Variants in SLC24A4 observed in about 807,000 individuals in gnomAD.
SLC24A4 encodes solute carrier family 24 member 4.
SLC24A4 carries 53 observed loss-of-function variants against 79.0 expected under a neutral mutation model. The observed-to-expected ratio is 0.67, with a 90% CI of 0.54 to 0.84. SLC24A4 has a LOEUF of 0.84. Ranked by LOEUF, SLC24A4 falls within the 40% of genes least tolerant of loss-of-function variation. The probability of loss-of-function intolerance (pLI) is 0.00; values close to 1 mark genes in which losing one functional copy is unlikely to be tolerated. For synonymous variants in SLC24A4, 323 were observed against 323.8 expected, an observed-to-expected ratio of 1.00 and a Z score of 0.03; for missense variants, 731 against 822.0, an observed-to-expected ratio of 0.89 and a Z score of 1.35.
In SLC24A4 at chr14:92,459,993, C is replaced by T. The variant is rs78863972; in HGVS notation, c.1255+3385C>T. ...CAGCTAGCGTTTTCCAAAGCTGGGG[C>T]GCTGGAAGGAATCACAGGACCAGGG... On this transcript the variant is annotated intron_variant, in intron 12 of 16. Transcript: ENST00000532405. 1.4e-3 allele frequency among the ~76,000 whole-genome samples: 213 copies of T among 152,124 alleles called. 4 individuals are homozygous for T. In the East Asian group the frequency reaches 0.037, roughly 27 times the overall value.
At chr14:92,465,565 C>T (rs1430653355) in intron 12 of SLC24A4, among the ~76,000 whole-genome samples, 2 of 152,090 alleles carry the variant, frequency 1.3e-5, no homozygotes, top group East Asian at 1.9e-4. Flanking sequence ...CGGCACCAGC[C>T]GAGGGAGCTC....
At chr14:92,445,078 T>G (rs1043126393) in intron 7 of SLC24A4, among the ~76,000 whole-genome samples, 2 of 152,128 alleles carry the variant, frequency 1.3e-5, no homozygotes, top group African/African-American at 2.4e-5. Context: ...TGGACTGTTA[T>G]AAAGCACAGG....
chr14:92,383,556 A>G (rs1436328770), intron 2 of SLC24A4, among the ~76,000 whole-genome samples: 2 of 152,116 alleles, frequency 1.3e-5, no homozygotes, highest in East Asian at 1.9e-4. Context: ...TGACCACTGC[A>G]CTTAAATCCC....
intron 15 of SLC24A4, 51 bp downstream of exon 15, chr14:92,491,828 T>C (rs746076534): frequency 6.9e-7 from 1 of 1,443,884 alleles, no homozygotes. Context: ...AGGCTAGTGG[T>C]GTTGGCCCAG....
intron 9 of SLC24A4, 132 bp from the exon 10 acceptor site, chr14:92,448,942 C>G (rs1017960217): frequency 1.8e-6 from 2 of 1,089,252 alleles, no homozygotes; most frequent in Non-Finnish European, 2.6e-6. Flanking sequence ...AGCTGAGGCT[C>G]CACACCTCCC....
intron 2 of SLC24A4, among the ~76,000 whole-genome samples, chr14:92,390,279 C>T (rs1053378065): frequency 4.6e-5 from 7 of 152,012 alleles, no homozygotes; most frequent in Non-Finnish European, 1.0e-4. Flanking sequence ...ATGAGGCATA[C>T]CCACGCCATC....
At chr14:92,461,096 A>T (rs571744873) in intron 12 of SLC24A4, among the ~76,000 whole-genome samples, 1 of 152,318 alleles carries the variant, frequency 6.6e-6, no homozygotes, top group South Asian at 2.1e-4. Context: ...GCCGCAGCCC[A>T]GCTGGGAAAG....
In SLC24A4 at chr14:92,493,885, C is replaced by CCTG; in HGVS notation, c.*257_*258insCTG. The CCTG allele has an allele frequency of 2.0e-6, 1 of 506,342 alleles. No individual in the cohort carries two copies. The highest frequency in any genetic ancestry group is 3.5e-6 in the Non-Finnish European group (1 of 282,590). The allele number at this position is 506,342 out of a possible 1,614,324, so 31.4% of individuals were successfully genotyped here. ...CTGAGCAGCTTCAAAGACCCCTGAG[C>CCTG]TGCCAACCACGGAGATGTGCCAAGC... On this transcript the variant is annotated 3_prime_UTR_variant, in exon 17 of 17. Coordinates refer to ENST00000532405, the MANE Select transcript of SLC24A4 (RefSeq NM_153646.4).
intron 2 of SLC24A4, among the ~76,000 whole-genome samples, chr14:92,380,072 GCCTGCTGC>G (rs1329733104): frequency 4.6e-5 from 7 of 152,218 alleles, no homozygotes. Flanking sequence ...GCGTGCCTGT[GCCTGCTGC>G]ACCTGGCATA....
chr14:92,404,458 C>G (rs1206339048), intron 2 of SLC24A4, among the ~76,000 whole-genome samples: 1 of 152,226 alleles, frequency 6.6e-6, no homozygotes, highest in Admixed American at 6.5e-5. Flanking sequence ...CCTGAGCCCC[C>G]AGTCCCCATC....
intron 2 of SLC24A4, among the ~76,000 whole-genome samples, chr14:92,407,857 TTGTGTGTGTGTGTGTG>T (rs60398538): frequency 0.092 from 13,231 of 143,658 alleles, 583 homozygotes; most frequent in South Asian, 0.11. Context: ...CAGAGTGATA[TTGTGTGTGTGTGTGTG>T]TGTGTGTGTG....
intron 2 of SLC24A4, among the ~76,000 whole-genome samples, chr14:92,364,344 C>A (rs985170564): frequency 6.6e-6 from 1 of 151,956 alleles, no homozygotes; most frequent in Non-Finnish European, 1.5e-5. Context: ...CTCCTGGGGG[C>A]AGAGCAGGGT....
At chr14:92,346,497 A>C (rs1886536679) in intron 2 of SLC24A4, among the ~76,000 whole-genome samples, 1 of 152,190 alleles carries the variant, frequency 6.6e-6, no homozygotes, top group African/African-American at 2.4e-5. Context: ...TCTCCAATAT[A>C]ACACGTTGGG....
rs550185180 is a variant in SLC24A4 at position 92,446,181 on chromosome 14, T to A, written c.683+839T>A. ...AGAATCTGCGTGCATTCTATGTTTT[T>A]TTTTTTTTGAGACCCGGTCTTACTC... On this transcript the variant is annotated intron_variant, in intron 8 of 16. Coordinates refer to ENST00000532405, the MANE Select transcript of SLC24A4 (RefSeq NM_153646.4). 4.7e-3 allele frequency among the ~76,000 whole-genome samples: 710 copies of A among 152,310 alleles called. 5 individuals are homozygous for A. Among genetic ancestry groups the A allele is most frequent in the African/African-American group, 0.015 (618 of 41,558 alleles).
Position 92,494,312 on chromosome 14 carries a change from A to T in SLC24A4, c.*684A>T, listed in dbSNP as rs535007305. The T allele has an allele frequency of 1.3e-5, 2 of 152,822 alleles. No homozygotes were observed. The highest frequency in any genetic ancestry group is 2.9e-5 in the Non-Finnish European group (2 of 68,074). The allele number at this position is 152,822 out of a possible 1,614,324, so 9.5% of individuals were successfully genotyped here. ...TTCAGAGAATAAGCAATGAAATATT[A>T]AAAAATGAAACATCATATAGGTCAT... On this transcript the variant is annotated 3_prime_UTR_variant, in exon 17 of 17. Coordinates refer to ENST00000532405, the MANE Select transcript of SLC24A4 (RefSeq NM_153646.4). The surrounding 1 kb of genome is among the most constrained non-coding windows in gnomAD (Gnocchi z 4.6).
chr14:92,409,406 A>G (rs1474866375), intron 2 of SLC24A4, among the ~76,000 whole-genome samples: 1 of 152,194 alleles, frequency 6.6e-6, no homozygotes, highest in Non-Finnish European at 1.5e-5. Flanking sequence ...AGGGATGGAA[A>G]AGGCAGCGCA....
At chr14:92,438,144 C>T (rs147346393) in intron 3 of SLC24A4, among the ~76,000 whole-genome samples, 21 of 152,306 alleles carry the variant, frequency 1.4e-4, no homozygotes, top group Admixed American at 5.9e-4. Flanking sequence ...CTTCTTTAGA[C>T]GGCAGTTGCA....
chr14:92,352,193 C>T (rs983536305), intron 2 of SLC24A4, among the ~76,000 whole-genome samples: 7 of 152,020 alleles, frequency 4.6e-5, no homozygotes, highest in African/African-American at 9.7e-5. Flanking sequence ...TGAGAGGCAC[C>T]GTGAACAGGT....
At chr14:92,454,145 G>C (rs1025689157) in intron 11 of SLC24A4, 76 bp downstream of exon 11, 1 of 1,479,654 alleles carries the variant, frequency 6.8e-7, no homozygotes, top group South Asian at 1.2e-5. Context: ...GCTCTTCCTG[G>C]TGCCATTGAT....
Sources: gnomAD v4.1 joint callset for allele counts (sites outside exome capture counted in the v4.1 genomes callset) on GRCh38, gnomAD v4.1.1 for gene constraint, Gnocchi (gnomAD v3.1) non-coding constraint, MANE v1.5 for transcripts, NCBI Gene and HGNC (gene_info 2026-07-23, HGNC 2026-07-21) for gene names.